Variants in PPM1M observed in about 807,000 individuals in gnomAD.
PPM1M encodes the protein protein phosphatase, Mg2+/Mn2+ dependent 1M.
In PPM1M, 44 loss-of-function variants were observed where a neutral mutation model predicts 50.8. The ratio of observed to expected loss-of-function variants is 0.87; its 90% confidence interval spans 0.68 to 1.11. The LOEUF is 1.11. Among genes scored for constraint, PPM1M ranks in the 50% most tolerant of loss-of-function variants. The pLI is 0.00. For synonymous variants in PPM1M, 224 were observed against 242.9 expected, an observed-to-expected ratio of 0.92 and a Z score of 0.72; for missense variants, 556 against 593.4, an observed-to-expected ratio of 0.94 and a Z score of 0.66.
At chr3:52,249,353 C>T in intron 9 of PPM1M, 31 bp downstream of exon 9, 1 of 1,571,048 alleles carries the variant, frequency 6.4e-7, no homozygotes, top group Non-Finnish European at 8.6e-7. Flanking sequence ...CTGCCTGGGC[C>T]TGGGTTGGTG....
intron 1 of PPM1M, 68 bp from the exon 2 acceptor site, chr3:52,246,627 T>C: frequency 9.6e-7 from 1 of 1,044,842 alleles, no homozygotes; most frequent in Non-Finnish European, 1.3e-6. Flanking sequence ...CTGTGCTGGC[T>C]TGGGTCCCTG....
Position 52,247,272 on chromosome 3 carries a change from C to T in PPM1M, c.597+44C>T, listed in dbSNP as rs1411740026. The stretch of plus-strand genomic sequence containing the variant: ...GCTGGGGAAGAAGTGGAGATTTTGC[C>T]CCGGGGATCTCAGGAAATGGCATCT... On this transcript the variant is annotated intron_variant, in intron 3 of 9. Coordinates refer to ENST00000323588, the MANE Select transcript of PPM1M (RefSeq NM_144641.4). The T allele has an allele frequency of 3.2e-6, 5 of 1,562,622 alleles. 1 individual carries two copies. Among genetic ancestry groups the T allele is most frequent in the Admixed American group, 3.8e-5 (2 of 52,716 alleles).
chr3:52,246,189 C>G, intron 1 of PPM1M, 141 bp downstream of exon 1: 3 of 1,012,582 alleles, frequency 3.0e-6, no homozygotes, highest in Non-Finnish European at 3.6e-6. Context: ...ACCTCCGAAT[C>G]CTGACAACTT....
Position 52,248,138 on chromosome 3 carries a change from C to A in PPM1M, c.711-15C>A. On this transcript the variant is annotated splice_polypyrimidine_tract_variant and intron_variant, in intron 4 of 9. Transcript: ENST00000323588. The stretch of plus-strand genomic sequence containing the variant: ...AGGCCTCCTCCTAGACCTCTCCCTT[C>A]TCTCCTCAATCCAGGGCCATCTTGG... 2 of 1,602,308 alleles carry A rather than the reference C, an allele frequency of 1.2e-6. No individual in the cohort carries two copies. Among genetic ancestry groups the A allele is most frequent in the Middle Eastern group, 1.7e-4 (1 of 6,004 alleles).
In PPM1M at chr3:52,250,412, C is replaced by A. The variant is rs1159742606; in HGVS notation, c.*598C>A. On this transcript the variant is annotated 3_prime_UTR_variant, in exon 10 of 10. Coordinates refer to ENST00000323588, the MANE Select transcript of PPM1M (RefSeq NM_144641.4). ...GCTGGGGCTAAAGTTTGGGGTAGAG[C>A]ACAAGGGACAAGAGGAACTCTTGGA... The A allele has an allele frequency of 6.5e-6, 1 of 154,414 alleles. No individual in the cohort carries two copies. The highest frequency in any genetic ancestry group is 1.4e-5 in the Non-Finnish European group (1 of 69,340). The allele number at this position is 154,414 out of a possible 1,614,324, so 9.6% of individuals were successfully genotyped here. A position where few individuals can be genotyped will look rare whatever the true frequency, so the allele number is the denominator to read the frequency against.
chr3:52,249,142 G>A, intron 8 of PPM1M, 32 bp from the exon 9 acceptor site: 1 of 1,612,852 alleles, frequency 6.2e-7, no homozygotes, highest in Non-Finnish European at 8.5e-7. Context: ...GTCGGGAAGG[G>A]AGTGTGCAGG....
At chr3:52,248,024 T>C (rs749475441) in intron 4 of PPM1M, 129 bp from the exon 5 acceptor site, 50 of 880,192 alleles carry the variant, frequency 5.7e-5, no homozygotes, top group Non-Finnish European at 8.9e-5. Flanking sequence ...TAGGTAGTCA[T>C]GGAGGGCTTT....
At chr3:52,249,512 C>G in intron 9 of PPM1M, 158 bp from the exon 10 acceptor site, 1 of 1,269,042 alleles carries the variant, frequency 7.9e-7, no homozygotes, top group East Asian at 2.5e-5. Flanking sequence ...CTCTCATGGT[C>G]CAGCCCGTGG....
intron 3 of PPM1M, 106 bp downstream of exon 3, chr3:52,247,334 T>G (rs562389464): frequency 6.9e-7 from 1 of 1,454,160 alleles, no homozygotes; most frequent in Non-Finnish European, 9.2e-7. Flanking sequence ...ATCCTTGGAT[T>G]GGGAGGATGA....
chr3:52,248,611 G>C lies in PPM1M; in HGVS notation c.915-26G>C, dbSNP rs758479893. 2.0e-5 allele frequency: 33 copies of C among 1,613,444 alleles called. 1 individual carries two copies. The South Asian group carries it at 3.6e-4, about 18-fold the overall frequency. On this transcript the variant is annotated intron_variant, in intron 6 of 9. Transcript: ENST00000323588. ...AGATGAGATGGGGCACAGGGCTTGG[G>C]TTGATGCTGGCTCTGCTCCTGGTAG...
intron 3 of PPM1M, 177 bp from the exon 4 acceptor site, chr3:52,247,505 A>G (rs1041995110): frequency 2.4e-5 from 16 of 655,478 alleles, no homozygotes; most frequent in Admixed American, 1.4e-4. Flanking sequence ...TATTTTGAGT[A>G]GCACTTCCCT....
chr3:52,246,856 T>C, intron 2 of PPM1M, 44 bp downstream of exon 2: 15 of 1,480,866 alleles, frequency 1.0e-5, no homozygotes, highest in Non-Finnish European at 1.4e-5. Context: ...TCCGACAGGC[T>C]GGGGCCACGA....
chr3:52,247,136 A>G lies in PPM1M; in HGVS notation c.505A>G (p.Ile169Val). Reference protein sequence around the residue: ...QPPMHLNGRCICPSDPQFVEE... With the variant: ...QPPMHLNGRCVCPSDPQFVEE... Reference sequence around the variant, plus strand: ...CCCCATGCACCTCAATGGCCGCTGCATCTGCCCCAGTGACCCTCAGTTTGT... The same window carrying G: ...CCCCATGCACCTCAATGGCCGCTGCGTCTGCCCCAGTGACCCTCAGTTTGT... Residue 169 changes from isoleucine (I) to valine (V), a missense_variant, in exon 3 of 10, where the codon ATC (isoleucine) becomes GTC (valine). Physicochemically the swap from Ile to Val is conservative, Grantham distance 29 (BLOSUM62 3). Transcript: ENST00000323588. The G allele has an allele frequency of 1.2e-6, 2 of 1,611,424 alleles. No individual in the cohort carries two copies. Among genetic ancestry groups the G allele is most frequent in the Non-Finnish European group, 1.7e-6 (2 of 1,178,874 alleles).
rs991209888 is a variant in PPM1M, at chr3:52,245,859, C to T, written c.35C>T (p.Pro12Leu). Residue 12 changes from proline to leucine, a missense_variant, in exon 1 of 10, where the codon CCT (proline) becomes CTT (leucine). By Grantham distance (98) the Pro-to-Leu change is moderately conservative (BLOSUM62 -3). Coordinates refer to ENST00000323588, the MANE Select transcript of PPM1M (RefSeq NM_144641.4). The surrounding 1 kb of genome is among the most constrained non-coding windows in gnomAD (Gnocchi z 4.8). ...GGCTGGTTCCGGCGCCGCTTCCTGC[C>T]TGGGGAGCCGCTCCCCGCGCCGCGG... is the stretch of plus-strand genomic sequence containing the variant. ...SAGWFRRRFL[P>L]GEPLPAPRPP... 28 of 1,092,140 alleles carry T rather than the reference C, an allele frequency of 2.6e-5. No homozygotes were observed. Among genetic ancestry groups the T allele is most frequent in the Non-Finnish European group, 3.2e-5 (28 of 888,342 alleles). The allele number at this position is 1,092,140 out of a possible 1,614,324, so 67.7% of individuals were successfully genotyped here.
rs759338191 is a variant in PPM1M at position 52,246,862 on chromosome 3, C to T, written c.342+50C>T. 5.4e-6 allele frequency: 8 copies of T among 1,485,828 alleles called. No homozygotes were observed. In the Admixed American group the frequency reaches 6.1e-5, roughly 11 times the overall value. 92.0% of individuals were successfully genotyped at this position (1,485,828 alleles called of 1,614,324 possible). Reference sequence around the variant, plus strand: ...TGGAATCCCTCCGACAGGCTGGGGCCACGACCTGCAGGCTGAGGTTCTTAC... The same window carrying T: ...TGGAATCCCTCCGACAGGCTGGGGCTACGACCTGCAGGCTGAGGTTCTTAC... On this transcript the variant is annotated intron_variant, in intron 2 of 9. Coordinates refer to ENST00000323588, the MANE Select transcript of PPM1M (RefSeq NM_144641.4).
At position 52,245,871 on chromosome 3, in the gene PPM1M, T is replaced by TC; in HGVS notation, c.51dup (p.Ala18ArgfsTer66). 5.5e-6 allele frequency: 6 copies of TC among 1,096,316 alleles called. No homozygotes were observed. The highest frequency in any genetic ancestry group is 2.2e-5 in the South Asian group (1 of 45,916). 67.9% of individuals were successfully genotyped at this position (1,096,316 alleles called of 1,614,324 possible). A position where few individuals can be genotyped will look rare whatever the true frequency, so the allele number is the denominator to read the frequency against. On this transcript the variant is annotated frameshift_variant, in exon 1 of 10. Transcript: ENST00000323588. LOFTEE classifies it high-confidence loss of function. This position sits in a 1 kb window ranked among gnomAD's most constrained non-coding sequence, Gnocchi z 4.8. ...CGCCGCTTCCTGCCTGGGGAGCCGC[T>TC]CCCCGCGCCGCGGCCGCCTGGGCCG...
At chr3:52,247,269 T>G (rs1699876207) in intron 3 of PPM1M, 41 bp downstream of exon 3, 1 of 1,567,664 alleles carries the variant, frequency 6.4e-7, no homozygotes, top group Non-Finnish European at 8.7e-7. Context: ...GTGGAGATTT[T>G]GCCCCGGGGA....
chr3:52,246,845 C>G (rs1182853008), intron 2 of PPM1M, 33 bp downstream of exon 2: 2 of 1,464,978 alleles, frequency 1.4e-6, no homozygotes, highest in Non-Finnish European at 1.8e-6. Context: ...GCTGGAATCC[C>G]TCCGACAGGC....
intron 7 of PPM1M, 126 bp downstream of exon 7, chr3:52,248,826 T>A: frequency 1.5e-6 from 2 of 1,318,560 alleles, no homozygotes; most frequent in South Asian, 1.2e-5. Flanking sequence ...GACTAGGAAT[T>A]TTCTCTCTCA....
Sources: allele counts gnomAD v4.1 joint callset, GRCh38; gene constraint gnomAD v4.1.1; non-coding constraint Gnocchi (gnomAD v3.1); transcripts MANE v1.5; gene names NCBI Gene and HGNC (gene_info 2026-07-23, HGNC 2026-07-21).